The following METAP1D variants were observed in gnomAD, a reference collection of about 807,000 sequenced individuals.
The protein encoded by METAP1D is methionyl aminopeptidase type 1D, mitochondrial.
Under a neutral mutation model 40.5 loss-of-function variants are expected in METAP1D, and 31 were observed. That is an observed-to-expected ratio of 0.77 (90% CI 0.58 to 1.03). The LOEUF (loss-of-function observed/expected upper bound fraction) is 1.03. Ranked by LOEUF, METAP1D falls within the 50% of genes least tolerant of loss-of-function variation. The probability of loss-of-function intolerance (pLI) is 0.00; values close to 1 mark genes in which losing one functional copy is unlikely to be tolerated. For missense variants in METAP1D, 411 were observed against 420.7 expected (o/e 0.98, Z 0.20); for synonymous variants, 151 against 146.4 (o/e 1.03, Z -0.22).
chr2:172,042,823 GTATA>G (rs150001288), intron 1 of METAP1D, among the ~76,000 whole-genome samples: 4 of 64,552 alleles, frequency 6.2e-5, no homozygotes, highest in Admixed American at 1.6e-4. Flanking sequence ...ACGTGTGTGT[GTATA>G]TGTACACATA....
chr2:172,037,621 A>G (rs1689426065), intron 1 of METAP1D, among the ~76,000 whole-genome samples: 1 of 152,206 alleles, frequency 6.6e-6, no homozygotes, highest in Non-Finnish European at 1.5e-5. Context: ...GAGGCATTAA[A>G]TGGTTAAGTA....
intron 1 of METAP1D, among the ~76,000 whole-genome samples, chr2:172,000,491 G>T (rs1429473592): frequency 6.6e-6 from 1 of 152,112 alleles, no homozygotes; most frequent in East Asian, 1.9e-4. Context: ...AGGATGTCTG[G>T]GTAGTTCTAA....
At chr2:172,005,210 T>C (rs1020727124) in intron 1 of METAP1D, among the ~76,000 whole-genome samples, 2 of 152,114 alleles carry the variant, frequency 1.3e-5, no homozygotes, top group African/African-American at 4.8e-5. Context: ...AGTTTTTCGT[T>C]ACATGGATGA....
At chr2:172,065,514 C>T in intron 3 of METAP1D, 90 bp from the exon 4 acceptor site, 2 of 1,251,826 alleles carry the variant, frequency 1.6e-6, no homozygotes, top group Admixed American at 2.0e-5. Context: ...TATACAGTCT[C>T]ACATGGAAGT....
intron 1 of METAP1D, among the ~76,000 whole-genome samples, chr2:172,004,784 C>T (rs946964797): frequency 6.6e-5 from 10 of 152,174 alleles, no homozygotes; most frequent in South Asian, 2.1e-4. Flanking sequence ...TTAACAAATA[C>T]ATTCCAATTC....
intron 1 of METAP1D, among the ~76,000 whole-genome samples, chr2:172,046,293 G>C (rs970318639): frequency 1.3e-5 from 2 of 151,480 alleles, no homozygotes; most frequent in African/African-American, 2.4e-5. Flanking sequence ...TAGCTGTCTG[G>C]ATGATTAATG....
intron 1 of METAP1D, among the ~76,000 whole-genome samples, chr2:172,050,676 T>C (rs1689867241): frequency 6.6e-6 from 1 of 152,210 alleles, no homozygotes; most frequent in Non-Finnish European, 1.5e-5. Flanking sequence ...ATTCCCTGGG[T>C]AGCAGGACTG....
intron 1 of METAP1D, among the ~76,000 whole-genome samples, chr2:172,054,231 A>C (rs1449371451): frequency 6.6e-6 from 1 of 152,162 alleles, no homozygotes; most frequent in Non-Finnish European, 1.5e-5. Context: ...TTTAAAATGC[A>C]TTCCTCCTGG....
intron 5 of METAP1D, among the ~76,000 whole-genome samples, chr2:172,066,635 C>A (rs77561493): frequency 4.8e-4 from 73 of 152,346 alleles, no homozygotes; most frequent in African/African-American, 1.7e-3. Context: ...CACCACAGCA[C>A]TGGGCAGCTG....
At chr2:172,071,991 G>GT (rs1690431496) in intron 6 of METAP1D, among the ~76,000 whole-genome samples, 1 of 152,142 alleles carries the variant, frequency 6.6e-6, no homozygotes, top group South Asian at 2.1e-4. Context: ...TATTGTAACA[G>GT]TGTCTGAATC....
intron 1 of METAP1D, among the ~76,000 whole-genome samples, chr2:172,002,319 A>G (rs1688485700): frequency 6.6e-6 from 1 of 152,160 alleles, no homozygotes; most frequent in African/African-American, 2.4e-5. Context: ...TTAGGTTGGT[A>G]CAAAAGTAAT....
chr2:172,011,631 A>G (rs550268961), intron 1 of METAP1D, among the ~76,000 whole-genome samples: 1 of 152,266 alleles, frequency 6.6e-6, no homozygotes, highest in East Asian at 1.9e-4. Flanking sequence ...ATTTCATATA[A>G]TGGAATCATA....
At chr2:172,033,972 G>A (rs1027936808) in intron 1 of METAP1D, among the ~76,000 whole-genome samples, 3 of 151,524 alleles carry the variant, frequency 2.0e-5, no homozygotes, top group Non-Finnish European at 2.9e-5. Flanking sequence ...GGCTACTCGG[G>A]AGGCTGAGGT....
At chr2:172,004,731 G>A (rs2105369745) in intron 1 of METAP1D, among the ~76,000 whole-genome samples, 1 of 152,236 alleles carries the variant, frequency 6.6e-6, no homozygotes, top group African/African-American at 2.4e-5. Context: ...CATTCCTGTT[G>A]ACATCCAGAG....
At chr2:172,058,471 G>T (rs1690049994) in intron 1 of METAP1D, among the ~76,000 whole-genome samples, 1 of 152,066 alleles carries the variant, frequency 6.6e-6, no homozygotes, top group African/African-American at 2.4e-5. Flanking sequence ...ACAATACTAG[G>T]GTTGGTGATA....
intron 1 of METAP1D, among the ~76,000 whole-genome samples, chr2:172,004,068 C>G (rs989193269): frequency 6.6e-6 from 1 of 152,076 alleles, no homozygotes; most frequent in Non-Finnish European, 1.5e-5. Context: ...CCGCACCTGG[C>G]CATTTACTTA....
At chr2:172,010,976 A>AACTCCTG (rs1688705444) in intron 1 of METAP1D, among the ~76,000 whole-genome samples, 1 of 151,324 alleles carries the variant, frequency 6.6e-6, no homozygotes, top group South Asian at 2.1e-4. Context: ...TGGTCTCTTA[A>AACTCCTG]ACTCCTGACC....
intron 1 of METAP1D, among the ~76,000 whole-genome samples, chr2:172,008,929 C>G (rs894766219): frequency 3.3e-5 from 5 of 152,150 alleles, no homozygotes; most frequent in African/African-American, 1.2e-4. Context: ...GGGTGTGGAC[C>G]TGCTGACAAA....
chr2:172,011,604 A>C (rs1303905142), intron 1 of METAP1D, among the ~76,000 whole-genome samples: 1 of 152,020 alleles, frequency 6.6e-6, no homozygotes, highest in Non-Finnish European at 1.5e-5. Context: ...GTTTCTATAG[A>C]TTTGCCTCTC....
Sources: gnomAD v4.1 joint callset for allele counts (sites outside exome capture counted in the v4.1 genomes callset) on GRCh38, gnomAD v4.1.1 for gene constraint, MANE v1.5 for transcripts, NCBI Gene and HGNC (gene_info 2026-07-23, HGNC 2026-07-21) for gene names.